The following RSRC1 variants were observed in gnomAD, a reference collection of about 807,000 sequenced individuals.
RSRC1 encodes serine/Arginine-related protein 53.
A neutral mutation model predicts 49.1 loss-of-function variants in RSRC1; 39 were observed. That is an observed-to-expected ratio of 0.79 (90% CI 0.61 to 1.04). RSRC1 has a LOEUF of 1.04. Ranked by LOEUF, RSRC1 falls within the 50% of genes least tolerant of loss-of-function variation. The pLI, the probability that RSRC1 is intolerant of heterozygous loss-of-function variation, is 0.00. For missense variants in RSRC1, 388 were observed against 402.4 expected, an observed-to-expected ratio of 0.96 and a Z score of 0.31; for synonymous variants, 143 against 130.8, an observed-to-expected ratio of 1.09 and a Z score of -0.63.
chr3:158,366,228 A>G (rs1183659457), intron 6 of RSRC1, among the ~76,000 whole-genome samples: 5 of 152,148 alleles, frequency 3.3e-5, no homozygotes, highest in East Asian at 1.9e-4. Context: ...GCCCATGCCT[A>G]TGTCCTGAAT....
chr3:158,149,054 G>A (rs1244225366), intron 3 of RSRC1, among the ~76,000 whole-genome samples: 1 of 152,212 alleles, frequency 6.6e-6, no homozygotes, highest in East Asian at 1.9e-4. Flanking sequence ...AAAGTGCTGG[G>A]ATTACAGGCG....
At chr3:158,149,724 C>T (rs918006516) in intron 3 of RSRC1, among the ~76,000 whole-genome samples, 1 of 152,124 alleles carries the variant, frequency 6.6e-6, no homozygotes, top group African/African-American at 2.4e-5. Context: ...ACCAACCTTT[C>T]TTAGATTGTA....
chr3:158,287,238 G>C (rs1726625118), intron 4 of RSRC1, among the ~76,000 whole-genome samples: 1 of 152,052 alleles, frequency 6.6e-6, no homozygotes, highest in African/African-American at 2.4e-5. Flanking sequence ...AAATTATTGG[G>C]ACATAATTTT....
At chr3:158,199,925 A>G (rs1031769749) in intron 3 of RSRC1, among the ~76,000 whole-genome samples, 1 of 152,146 alleles carries the variant, frequency 6.6e-6, no homozygotes, top group Admixed American at 6.6e-5. Flanking sequence ...ATCATGAAGT[A>G]TCCATTTTTA....
intron 7 of RSRC1, among the ~76,000 whole-genome samples, chr3:158,518,114 GTGTGTGTGTGTGTATA>G (rs1740679625): frequency 1.3e-5 from 1 of 77,594 alleles, no homozygotes; most frequent in Non-Finnish European, 2.3e-5. Flanking sequence ...GTGTGTGTGT[GTGTGTGTGTGTGTATA>G]TATATATATA....
chr3:158,374,390 A>G lies in RSRC1; in HGVS notation c.583+19482A>G, dbSNP rs1732240715. On this transcript the variant is annotated intron_variant, in intron 6 of 9. Transcript: ENST00000611884. ...CAAAAAGAAGATGAGAGGACGGGAG[A>G]GGAAGTCTAGGTTGCTCTTTTGTAT... Among the ~76,000 whole-genome samples the G allele has an allele frequency of 3.3e-5, 5 of 152,172 alleles. No homozygotes were observed. In the South Asian group the frequency reaches 1.0e-3, roughly 31 times the overall value.
At chr3:158,410,315 A>G (rs943395545) in intron 6 of RSRC1, among the ~76,000 whole-genome samples, 6 of 152,080 alleles carry the variant, frequency 3.9e-5, no homozygotes, top group African/African-American at 7.2e-5. Flanking sequence ...TACCTGAAAT[A>G]CTTACCTCTT....
chr3:158,467,394 T>G (rs1737938842), intron 7 of RSRC1, among the ~76,000 whole-genome samples: 1 of 152,234 alleles, frequency 6.6e-6, no homozygotes. Flanking sequence ...AGGTAGTCCC[T>G]TTGAACCAAG....
chr3:158,176,026 A>G (rs769153558), intron 3 of RSRC1, among the ~76,000 whole-genome samples: 2 of 152,154 alleles, frequency 1.3e-5, no homozygotes, highest in Non-Finnish European at 2.9e-5. Flanking sequence ...CAGAGAGCCA[A>G]ATCATGAGTG....
At chr3:158,130,141 G>A (rs1715920120) in intron 3 of RSRC1, among the ~76,000 whole-genome samples, 1 of 152,062 alleles carries the variant, frequency 6.6e-6, no homozygotes, top group African/African-American at 2.4e-5. Flanking sequence ...TCTTCTTCTT[G>A]TGTCCCATGT....
At chr3:158,484,155 G>A (rs1738727475) in intron 7 of RSRC1, among the ~76,000 whole-genome samples, 1 of 152,090 alleles carries the variant, frequency 6.6e-6, no homozygotes, top group Non-Finnish European at 1.5e-5. Context: ...GAGCTATGTG[G>A]CAGAATCTAA....
In RSRC1 at chr3:158,481,737, C is replaced by G. The variant is rs1430317420; in HGVS notation, c.652+20734C>G. ...TTTTAAATGTGAATTTGTATACAAACAAATGTTGAAAGCTTCTTGAAGATA... is the reference window on the plus strand; with the variant it reads ...TTTTAAATGTGAATTTGTATACAAAGAAATGTTGAAAGCTTCTTGAAGATA... On this transcript the variant is annotated intron_variant, in intron 7 of 9. Coordinates refer to ENST00000611884, the MANE Select transcript of RSRC1 (RefSeq NM_001271838.2). Among the ~76,000 whole-genome samples the G allele has an allele frequency of 3.9e-5, 6 of 152,132 alleles. No individual in the cohort carries two copies. The South Asian group carries it at 8.3e-4, about 21-fold the overall frequency.
At chr3:158,499,610 A>C (rs892006817) in intron 7 of RSRC1, among the ~76,000 whole-genome samples, 1 of 152,048 alleles carries the variant, frequency 6.6e-6, no homozygotes, top group African/African-American at 2.4e-5. Context: ...TTCATTAGGT[A>C]TATTCCTAAG....
intron 6 of RSRC1, among the ~76,000 whole-genome samples, chr3:158,368,806 C>A (rs1731913595): frequency 6.6e-6 from 1 of 151,904 alleles, no homozygotes; most frequent in Admixed American, 6.6e-5. Context: ...TAAATTTAAG[C>A]CATTAAAATA....
chr3:158,132,025 C>T (rs1716060904), intron 3 of RSRC1: 1 of 324,704 alleles, frequency 3.1e-6, no homozygotes, highest in Non-Finnish European at 6.6e-6. Flanking sequence ...GCTCTGTCAC[C>T]TGGGCTGGAG....
At chr3:158,442,475 T>C (rs1216683600) in intron 6 of RSRC1, among the ~76,000 whole-genome samples, 2 of 152,072 alleles carry the variant, frequency 1.3e-5, no homozygotes, top group Non-Finnish European at 2.9e-5. Flanking sequence ...AAGAAGCAAT[T>C]TCTCATCCCT....
intron 7 of RSRC1, among the ~76,000 whole-genome samples, chr3:158,473,846 A>G (rs536745649): frequency 6.6e-6 from 1 of 152,176 alleles, no homozygotes; most frequent in Non-Finnish European, 1.5e-5. Flanking sequence ...TTAAATTGGC[A>G]TTCTATGTGA....
At chr3:158,118,413 C>G (rs926096773) in intron 1 of RSRC1, among the ~76,000 whole-genome samples, 59 of 90,128 alleles carry the variant, frequency 6.5e-4, no homozygotes, top group East Asian at 2.0e-3. Flanking sequence ...ACCTGGCCTT[C>G]TGTGTGTGTG....
At chr3:158,299,853 G>A (rs950472124) in intron 5 of RSRC1, among the ~76,000 whole-genome samples, 3 of 151,818 alleles carry the variant, frequency 2.0e-5, no homozygotes, top group African/African-American at 4.8e-5. Flanking sequence ...CTGTGCCTTC[G>A]GCTGCCCAGA....
Sources: allele counts gnomAD v4.1 joint callset (sites outside exome capture counted in the v4.1 genomes callset), GRCh38; gene constraint gnomAD v4.1.1; transcripts MANE v1.5; gene names NCBI Gene and HGNC (gene_info 2026-07-23, HGNC 2026-07-21).